The following LIMD1 variants were observed in gnomAD, a reference collection of about 807,000 sequenced individuals.
LIMD1 encodes the protein LIM domain containing 1, also known as LIM domain-containing protein 1.
Under a neutral mutation model 58.4 loss-of-function variants are expected in LIMD1, and 23 were observed. The observed-to-expected ratio is 0.39, with a 90% CI of 0.28 to 0.56. LIMD1 has a LOEUF of 0.56. Among genes scored for constraint, LIMD1 ranks in the 20% least tolerant of loss-of-function variants. The pLI, the probability that LIMD1 is intolerant of heterozygous loss-of-function variation, is 0.57. For synonymous variants in LIMD1, 334 were observed against 345.5 expected (o/e 0.97, Z 0.37); for missense variants, 838 against 855.5 (o/e 0.98, Z 0.25).
At chr3:45,610,999 A>G (rs1284078728) in intron 1 of LIMD1, among the ~76,000 whole-genome samples, 1 of 152,232 alleles carries the variant, frequency 6.6e-6, no homozygotes, top group Non-Finnish European at 1.5e-5. Flanking sequence ...TGGATACTTG[A>G]AAATGTAAAA....
At chr3:45,648,999 A>G (rs115089167) in intron 2 of LIMD1, among the ~76,000 whole-genome samples, 4,608 of 152,032 alleles carry the variant, frequency 0.03, 75 homozygotes, top group Non-Finnish European at 0.041. Flanking sequence ...CTGTCATTTC[A>G]TTTCTTGATG....
intron 1 of LIMD1, among the ~76,000 whole-genome samples, chr3:45,609,995 C>G (rs1269556583): frequency 6.6e-6 from 1 of 152,118 alleles, no homozygotes; most frequent in African/African-American, 2.4e-5. Flanking sequence ...AGATCGAGAC[C>G]AGCCTGACCA....
chr3:45,611,899 C>T (rs572907319), intron 1 of LIMD1, among the ~76,000 whole-genome samples: 6 of 152,240 alleles, frequency 3.9e-5, no homozygotes, highest in East Asian at 1.9e-4. Flanking sequence ...CCATGCCTGA[C>T]GGTGGGTGTG....
chr3:45,622,496 A>C (rs943922326), intron 1 of LIMD1, among the ~76,000 whole-genome samples: 1 of 152,154 alleles, frequency 6.6e-6, no homozygotes, highest in African/African-American at 2.4e-5. Flanking sequence ...AAATAGAACA[A>C]TTATAGCACA....
intron 2 of LIMD1, among the ~76,000 whole-genome samples, chr3:45,637,431 C>T (rs760258157): frequency 3.3e-5 from 5 of 152,122 alleles, no homozygotes; most frequent in Non-Finnish European, 7.4e-5. Flanking sequence ...CAGATGTGCA[C>T]CAGCACGCCC....
At position 45,674,366 on chromosome 3, in the gene LIMD1, C is replaced by T. The variant is rs761289549; in HGVS notation, c.1848C>T (p.Val616=). The T allele has an allele frequency of 4.3e-6, 7 of 1,613,806 alleles. No individual in the cohort carries two copies. The highest frequency in any genetic ancestry group is 1.7e-5 in the Admixed American group (1 of 59,990). ...AGGGCTCAGATGAGACCATCCGTGT[C>T]GTGTCCATGGACAGAGACTACCACG... is the stretch of plus-strand genomic sequence containing the variant. ...PPEGSDETIR[V]VSMDRDYHVE... Residue 616 remains valine, a synonymous_variant, in exon 7 of 8, where the codon GTC becomes GTT. Transcript: ENST00000273317.
At chr3:45,620,108 C>A (rs1384291700) in intron 1 of LIMD1, among the ~76,000 whole-genome samples, 2 of 152,042 alleles carry the variant, frequency 1.3e-5, no homozygotes, top group African/African-American at 4.8e-5. Flanking sequence ...GAATGTTGCA[C>A]TACTCAGCCT....
chr3:45,615,905 G>A (rs932657951), intron 1 of LIMD1, among the ~76,000 whole-genome samples: 5 of 149,740 alleles, frequency 3.3e-5, no homozygotes, highest in African/African-American at 1.2e-4. Flanking sequence ...AGATGAAGAT[G>A]CCCTTCTTGC....
chr3:45,666,142 C>T (rs2125668910), intron 3 of LIMD1, among the ~76,000 whole-genome samples: 1 of 152,306 alleles, frequency 6.6e-6, no homozygotes, highest in South Asian at 2.1e-4. Context: ...TGCTGGCATC[C>T]CACTGGCCCC....
chr3:45,669,389 G>T (rs1434813003), intron 4 of LIMD1, among the ~76,000 whole-genome samples: 1 of 152,164 alleles, frequency 6.6e-6, no homozygotes, highest in Non-Finnish European at 1.5e-5. Context: ...TTCTAGAGAA[G>T]ATAATTTCTA....
At chr3:45,647,896 C>T (rs1301400619) in intron 2 of LIMD1, among the ~76,000 whole-genome samples, 1 of 151,426 alleles carries the variant, frequency 6.6e-6, no homozygotes, top group Non-Finnish European at 1.5e-5. Context: ...CTTTTCTACC[C>T]CTGTACCTTG....
At chr3:45,657,352 A>T (rs1697350178) in intron 2 of LIMD1, among the ~76,000 whole-genome samples, 1 of 152,090 alleles carries the variant, frequency 6.6e-6, no homozygotes, top group Admixed American at 6.5e-5. Flanking sequence ...GTACCTAGAA[A>T]GTGTTTGAAT....
rs897977749 is a variant in LIMD1, at chr3:45,677,970, G to A, written c.*911G>A. 6.6e-6 allele frequency: 1 copy of A among 152,136 alleles called. No individual in the cohort carries two copies. Among genetic ancestry groups the A allele is most frequent in the East Asian group, 1.9e-4 (1 of 5,192 alleles). 9.4% of individuals were successfully genotyped at this position (152,136 alleles called of 1,614,324 possible). A position where few individuals can be genotyped will look rare whatever the true frequency, so the allele number is the denominator to read the frequency against. On this transcript the variant is annotated 3_prime_UTR_variant, in exon 8 of 8. Transcript: ENST00000273317. ...CCTGTTTTTAGCTTATTTAATGACGGGCTTTTGGGAAGAGCTGCCCGCATA... is the reference window on the plus strand; with the variant it reads ...CCTGTTTTTAGCTTATTTAATGACGAGCTTTTGGGAAGAGCTGCCCGCATA...
intron 2 of LIMD1, among the ~76,000 whole-genome samples, chr3:45,654,230 G>A (rs1702003376): frequency 6.6e-6 from 1 of 152,068 alleles, no homozygotes; most frequent in African/African-American, 2.4e-5. Flanking sequence ...TTCTTTTCTC[G>A]GAAACTCTTC....
At chr3:45,660,477 G>A (rs1697419713) in intron 2 of LIMD1, among the ~76,000 whole-genome samples, 1 of 142,704 alleles carries the variant, frequency 7.0e-6, no homozygotes, top group Non-Finnish European at 1.5e-5. Context: ...GTGCAATGGC[G>A]CGATCTTAGC....
intron 6 of LIMD1, among the ~76,000 whole-genome samples, 185 bp from the exon 7 acceptor site, chr3:45,674,158 A>G (rs1697634472): frequency 6.6e-6 from 1 of 151,934 alleles, no homozygotes; most frequent in Non-Finnish European, 1.5e-5. Context: ...TATCCCTCCT[A>G]CTTCCCCTCT....
chr3:45,654,644 C>A (rs1367155350), intron 2 of LIMD1, among the ~76,000 whole-genome samples: 1 of 151,730 alleles, frequency 6.6e-6, no homozygotes, highest in Non-Finnish European at 1.5e-5. Context: ...GCCTGGGCAA[C>A]ATGGTGAAAC....
chr3:45,610,453 G>C (rs1701512544), intron 1 of LIMD1, among the ~76,000 whole-genome samples: 2 of 152,170 alleles, frequency 1.3e-5, no homozygotes, highest in African/African-American at 4.8e-5. Flanking sequence ...AGAAAGGGTT[G>C]GGATACATGC....
At chr3:45,622,254 G>A (rs1020996256) in intron 1 of LIMD1, among the ~76,000 whole-genome samples, 1 of 152,090 alleles carries the variant, frequency 6.6e-6, no homozygotes, top group African/African-American at 2.4e-5. Context: ...CTGTCTCTGT[G>A]CACATCTATT....
Sources: gnomAD v4.1 joint callset for allele counts (sites outside exome capture counted in the v4.1 genomes callset) on GRCh38, gnomAD v4.1.1 for gene constraint, MANE v1.5 for transcripts, NCBI Gene and HGNC (gene_info 2026-07-23, HGNC 2026-07-21) for gene names.